DCLK2: variants seen among roughly 807,000 people sequenced by gnomAD.
DCLK2 encodes the protein serine/threonine-protein kinase DCLK2.
Under a neutral mutation model 78.4 loss-of-function variants are expected in DCLK2, and 31 were observed. The ratio of observed to expected loss-of-function variants is 0.40; its 90% CI spans 0.30 to 0.53. The LOEUF (loss-of-function observed/expected upper bound fraction) is 0.53. Among genes scored for constraint, DCLK2 ranks in the 20% least tolerant of loss-of-function variants. The pLI is 0.61. For missense variants in DCLK2, 872 were observed against 973.7 expected (o/e 0.90, Z 1.39); for synonymous variants, 407 against 374.9 (o/e 1.09, Z -0.99).
chr4:150,112,488 G>T (rs1029445979), intron 2 of DCLK2, among the ~76,000 whole-genome samples: 1 of 151,672 alleles, frequency 6.6e-6, no homozygotes, highest in African/African-American at 2.4e-5. Context: ...AGTAGGCATT[G>T]TTGTCCTGTT....
chr4:150,226,225 CTTT>C (rs3033026), intron 8 of DCLK2, among the ~76,000 whole-genome samples: 1 of 142,732 alleles, frequency 7.0e-6, no homozygotes, highest in Non-Finnish European at 1.5e-5. Flanking sequence ...TTGTCATTTA[CTTT>C]TTTTTTTTTT....
chr4:150,221,383 A>T (rs1212271420), intron 6 of DCLK2, among the ~76,000 whole-genome samples: 1 of 151,686 alleles, frequency 6.6e-6, no homozygotes, highest in Non-Finnish European at 1.5e-5. Flanking sequence ...TCGACAAAAA[A>T]GTTTGGATAA....
chr4:150,172,770 G>C (rs866957050), intron 2 of DCLK2, among the ~76,000 whole-genome samples: 4 of 143,082 alleles, frequency 2.8e-5, no homozygotes, highest in Admixed American at 7.0e-5. Context: ...TGGGGGGGGG[G>C]GGGATACCTT....
chr4:150,191,139 A>G (rs1186998936), intron 2 of DCLK2, among the ~76,000 whole-genome samples: 2 of 152,098 alleles, frequency 1.3e-5, no homozygotes, highest in African/African-American at 4.8e-5. Context: ...GGAACAAACA[A>G]AAAACCCATT....
chr4:150,249,740 A>C, intron 15 of DCLK2, 56 bp downstream of exon 15: 1 of 1,423,788 alleles, frequency 7.0e-7, no homozygotes, highest in South Asian at 1.1e-5. Context: ...GAAGTTTTTG[A>C]ATTAGGTAGC....
At chr4:150,247,153 C>G (rs1309742653) in intron 12 of DCLK2, among the ~76,000 whole-genome samples, 1 of 151,930 alleles carries the variant, frequency 6.6e-6, no homozygotes, top group African/African-American at 2.4e-5. Context: ...TTTTTCCCCC[C>G]AAAATGAGGA....
chr4:150,110,066 A>C (rs1457286311), intron 2 of DCLK2, among the ~76,000 whole-genome samples: 2 of 152,214 alleles, frequency 1.3e-5, no homozygotes, highest in Non-Finnish European at 2.9e-5. Flanking sequence ...TCTCCCTTTT[A>C]ATGGGAAACT....
intron 1 of DCLK2, among the ~76,000 whole-genome samples, chr4:150,082,331 C>T (rs1203237908): frequency 6.6e-6 from 1 of 152,004 alleles, no homozygotes; most frequent in Non-Finnish European, 1.5e-5. Context: ...ATGTTTTTTT[C>T]TGAAATGTCT....
At chr4:150,125,691 A>G (rs956656531) in intron 2 of DCLK2, among the ~76,000 whole-genome samples, 18 of 152,118 alleles carry the variant, frequency 1.2e-4, no homozygotes, top group African/African-American at 4.3e-4. Context: ...GGAGTTCAAG[A>G]CCAGCCTGGC....
intron 5 of DCLK2, among the ~76,000 whole-genome samples, chr4:150,214,084 G>A (rs1167248498): frequency 6.6e-6 from 1 of 152,168 alleles, no homozygotes; most frequent in African/African-American, 2.4e-5. Context: ...TAAACCATGT[G>A]GGTGTCCTCC....
intron 1 of DCLK2, among the ~76,000 whole-genome samples, chr4:150,098,550 C>G (rs184488710): frequency 6.6e-6 from 1 of 152,066 alleles, no homozygotes. Flanking sequence ...TTTTGGGGTA[C>G]GAGTGGTTTA....
At chr4:150,197,800 AG>A in intron 3 of DCLK2, among the ~76,000 whole-genome samples, 1 of 150,746 alleles carries the variant, frequency 6.6e-6, no homozygotes, top group African/African-American at 2.4e-5. Context: ...ATCTCAAGAG[AG>A]AAAAAAAAAA....
intron 2 of DCLK2, among the ~76,000 whole-genome samples, chr4:150,107,378 G>GGTTTTTT (rs535824608): frequency 2.4e-5 from 3 of 125,180 alleles, no homozygotes; most frequent in Non-Finnish European, 4.9e-5. Context: ...TTTGGTTATT[G>GGTTTTTT]TTTTTTTTTT....
chr4:150,215,698 A>G (rs1580732235), intron 5 of DCLK2, among the ~76,000 whole-genome samples: 1 of 152,210 alleles, frequency 6.6e-6, no homozygotes, highest in East Asian at 1.9e-4. Context: ...GCTTCATTAC[A>G]TAGGCATGAT....
At chr4:150,151,397 A>G (rs1734885888) in intron 2 of DCLK2, among the ~76,000 whole-genome samples, 1 of 152,230 alleles carries the variant, frequency 6.6e-6, no homozygotes. Flanking sequence ...GAACCTCTGC[A>G]TGCCCCAGAA....
At chr4:150,129,246 T>C (rs916052994) in intron 2 of DCLK2, among the ~76,000 whole-genome samples, 2 of 152,084 alleles carry the variant, frequency 1.3e-5, no homozygotes, top group African/African-American at 4.8e-5. Context: ...ATAATACTTT[T>C]CCTTAAAATT....
intron 2 of DCLK2, among the ~76,000 whole-genome samples, chr4:150,166,977 C>G (rs1227782454): frequency 6.6e-6 from 1 of 152,156 alleles, no homozygotes; most frequent in Non-Finnish European, 1.5e-5. Flanking sequence ...AAAATAGCCA[C>G]TGATTAAAGA....
intron 4 of DCLK2, 130 bp from the exon 5 acceptor site, chr4:150,203,665 G>A (rs951661907): frequency 5.9e-5 from 31 of 523,988 alleles, no homozygotes; most frequent in African/African-American, 2.6e-4. Context: ...CTGATTTGCC[G>A]TCTGCTTTGA....
chr4:150,125,569 T>G (rs980574260), intron 2 of DCLK2, among the ~76,000 whole-genome samples: 8 of 152,168 alleles, frequency 5.3e-5, no homozygotes, highest in African/African-American at 1.9e-4. Context: ...TGTTTATAAC[T>G]ATCTAAAAAT....
Sources: gnomAD v4.1 joint callset for allele counts (sites outside exome capture counted in the v4.1 genomes callset) on GRCh38, gnomAD v4.1.1 for gene constraint, MANE v1.5 for transcripts, NCBI Gene and HGNC (gene_info 2026-07-23, HGNC 2026-07-21) for gene names.